CNTN4: variants seen among roughly 807,000 people sequenced by gnomAD.
CNTN4 encodes contactin-4.
A neutral mutation model predicts 122.5 loss-of-function variants in CNTN4; 77 were observed. That is an observed-to-expected ratio of 0.63 (90% CI 0.52 to 0.76). The LOEUF is 0.76. Ranked by LOEUF, CNTN4 falls within the 30% of genes least tolerant of loss-of-function variation. The pLI, the probability that CNTN4 is intolerant of heterozygous loss-of-function variation, is 0.00. For missense variants in CNTN4, 1,256 were observed against 1,259.1 expected, an observed-to-expected ratio of 1.00 and a Z score of 0.04; for synonymous variants, 512 against 447.0, an observed-to-expected ratio of 1.15 and a Z score of -1.83.
chr3:2,236,098 G>A (rs554734196), intron 2 of CNTN4, among the ~76,000 whole-genome samples: 1 of 152,252 alleles, frequency 6.6e-6, no homozygotes, highest in African/African-American at 2.4e-5. Context: ...GGTACTATAA[G>A]TTGTACACAT....
In CNTN4 at chr3:2,745,589, T is replaced by G; in HGVS notation, c.250T>G (p.Leu84Val). 6.2e-7 allele frequency: 1 copy of G among 1,614,162 alleles called. No individual in the cohort carries two copies. Among genetic ancestry groups the G allele is most frequent in the Non-Finnish European group, 8.5e-7 (1 of 1,179,986 alleles). ...DFRYSVVEGSLLINNPNKTQD... is the reference protein window; with the variant it reads ...DFRYSVVEGSVLINNPNKTQD... ...CCGCTACAGTGTTGTTGAAGGGAGC[T>G]TGTTGATCAATAACCCCAATAAAAC... Residue 84 changes from leucine to valine, a missense_variant, in exon 6 of 25, where the codon TTG (leucine) becomes GTG (valine). Coordinates refer to ENST00000418658, the MANE Select transcript of CNTN4 (RefSeq NM_175607.3).
intron 4 of CNTN4, among the ~76,000 whole-genome samples, chr3:2,674,656 G>C (rs1044783268): frequency 6.6e-6 from 1 of 152,148 alleles, no homozygotes; most frequent in Non-Finnish European, 1.5e-5. Flanking sequence ...TACTGGGGAG[G>C]TGGAGGCAGG....
chr3:2,630,689 G>A (rs1176394538), intron 4 of CNTN4, among the ~76,000 whole-genome samples: 1 of 144,182 alleles, frequency 6.9e-6, no homozygotes, highest in African/African-American at 2.7e-5. Context: ...ATCCCTATCT[G>A]TTTATTAAGG....
intron 2 of CNTN4, among the ~76,000 whole-genome samples, chr3:2,178,364 G>A (rs1025680171): frequency 3.9e-5 from 6 of 151,924 alleles, no homozygotes; most frequent in Non-Finnish European, 8.8e-5. Context: ...TATGGAATAG[G>A]AAGAGTGTTT....
At chr3:2,883,317 G>T in intron 9 of CNTN4, 70 bp downstream of exon 9, 1 of 1,108,012 alleles carries the variant, frequency 9.0e-7, no homozygotes, top group African/African-American at 1.5e-5. Context: ...TTCTTGCACT[G>T]TTCACAGCGA....
At chr3:2,181,690 A>G (rs1359084921) in intron 2 of CNTN4, among the ~76,000 whole-genome samples, 2 of 152,102 alleles carry the variant, frequency 1.3e-5, no homozygotes, top group Non-Finnish European at 2.9e-5. Context: ...TCACTGATGG[A>G]TTAGTACCTT....
At position 2,116,253 on chromosome 3, in the gene CNTN4, C is replaced by A. The variant is rs200779895; in HGVS notation, c.-145+15614C>A. Among the ~76,000 whole-genome samples, 15 of 152,220 alleles carry A rather than the reference C, an allele frequency of 9.9e-5. No homozygotes were observed. In the East Asian group the frequency reaches 2.7e-3, roughly 28 times the overall value. ...AACGTGAGGCATAACAGAAAATAAT[C>A]ATAGACCAGGCATACATCTCAAAGC... On this transcript the variant is annotated intron_variant, in intron 2 of 24. Coordinates refer to ENST00000418658, the MANE Select transcript of CNTN4 (RefSeq NM_175607.3).
At chr3:3,042,900 C>T (rs1574911813) in intron 21 of CNTN4, 77 bp from the exon 22 acceptor site, 29 of 1,164,942 alleles carry the variant, frequency 2.5e-5, no homozygotes, top group South Asian at 1.0e-4. Flanking sequence ...TAAGAATCTG[C>T]GTACAAAATT....
intron 4 of CNTN4, among the ~76,000 whole-genome samples, chr3:2,589,862 T>A (rs1002360837): frequency 2.0e-5 from 3 of 152,198 alleles, no homozygotes; most frequent in African/African-American, 7.2e-5. Flanking sequence ...GCCTGTGGCT[T>A]CCCTCAGCAG....
chr3:3,044,533 G>A (rs1700446806), intron 23 of CNTN4, among the ~76,000 whole-genome samples: 1 of 152,298 alleles, frequency 6.6e-6, no homozygotes, highest in African/African-American at 2.4e-5. Flanking sequence ...ACAGTATGGT[G>A]ACCTCAGAGT....
chr3:2,685,471 C>G (rs1002722911), intron 4 of CNTN4, among the ~76,000 whole-genome samples: 1 of 152,084 alleles, frequency 6.6e-6, no homozygotes, highest in Non-Finnish European at 1.5e-5. Context: ...AGCACTGTCC[C>G]ATACAATACA....
At chr3:2,217,481 TAAAACAAAACCAAACA>T (rs1210031976) in intron 2 of CNTN4, among the ~76,000 whole-genome samples, 5 of 152,202 alleles carry the variant, frequency 3.3e-5, no homozygotes, top group Admixed American at 6.5e-5. Flanking sequence ...TGTTGTCAAT[TAAAACAAAACCAAACA>T]AAACTGTTTC....
At chr3:2,445,544 T>C (rs111825050) in intron 3 of CNTN4, among the ~76,000 whole-genome samples, 4 of 152,312 alleles carry the variant, frequency 2.6e-5, no homozygotes, top group African/African-American at 9.6e-5. Flanking sequence ...GTAGGAACTG[T>C]CTTCTTAATT....
rs945145462 is a variant in CNTN4 at position 2,599,040 on chromosome 3, T to C, written c.55+27482T>C. On this transcript the variant is annotated intron_variant, in intron 4 of 24. Transcript: ENST00000418658. Reference sequence around the variant, plus strand: ...TAACTGACATATGTTGAGTATTGTGTGCTCAACATATATAGCTTGGTGTAT... The same window carrying C: ...TAACTGACATATGTTGAGTATTGTGCGCTCAACATATATAGCTTGGTGTAT... Among the ~76,000 whole-genome samples the C allele has an allele frequency of 7.2e-5, 11 of 152,330 alleles. No homozygotes were observed. In the East Asian group the frequency reaches 1.9e-3, roughly 27 times the overall value.
intron 2 of CNTN4, among the ~76,000 whole-genome samples, chr3:2,302,759 C>T (rs140390830): frequency 6.6e-6 from 1 of 152,244 alleles, no homozygotes; most frequent in East Asian, 1.9e-4. Context: ...CACTTTGTCC[C>T]ATGTGGAAGA....
intron 16 of CNTN4, among the ~76,000 whole-genome samples, chr3:3,032,569 G>T (rs911346325): frequency 3.3e-5 from 5 of 152,142 alleles, no homozygotes; most frequent in African/African-American, 1.2e-4. Flanking sequence ...TTACAGAGGG[G>T]GAGGCAGGAA....
intron 2 of CNTN4, among the ~76,000 whole-genome samples, chr3:2,208,060 C>A (rs376271926): frequency 6.6e-6 from 1 of 152,084 alleles, no homozygotes; most frequent in Non-Finnish European, 1.5e-5. Context: ...TTCTGCAGTT[C>A]ATTGATCAAG....
rs1246507527 is a variant in CNTN4, at chr3:2,591,610, C to T, written c.55+20052C>T. Among the ~76,000 whole-genome samples, 19 of 51,602 alleles carry T rather than the reference C, an allele frequency of 3.7e-4. 3 individuals are homozygous for T. Among genetic ancestry groups the T allele is most frequent in the Non-Finnish European group, 6.4e-4 (13 of 20,292 alleles). The allele number at this position is 51,602 out of a possible 152,430, so 33.9% of individuals were successfully genotyped here. A position where few individuals can be genotyped will look rare whatever the true frequency, so the allele number is the denominator to read the frequency against. On this transcript the variant is annotated intron_variant, in intron 4 of 24. Coordinates refer to ENST00000418658, the MANE Select transcript of CNTN4 (RefSeq NM_175607.3). Reference sequence around the variant, plus strand: ...CGATCTCCTGACCTCGTGATCCGCCCGCCTCGGCCTCCCAAAGTGCTGGGA... The same window carrying T: ...CGATCTCCTGACCTCGTGATCCGCCTGCCTCGGCCTCCCAAAGTGCTGGGA...
rs553099158 is a variant in CNTN4 at position 2,777,599 on chromosome 3, C to A, written c.358+31902C>A. ...ATAAACTGAGTCACCTTAAAAGTAG[C>A]CAGGAGAGTAGGCTTTGCTGTTCTG... is the stretch of plus-strand genomic sequence containing the variant. On this transcript the variant is annotated intron_variant, in intron 6 of 24. Coordinates refer to ENST00000418658, the MANE Select transcript of CNTN4 (RefSeq NM_175607.3). Among the ~76,000 whole-genome samples the A allele has an allele frequency of 8.0e-4, 122 of 152,242 alleles. 1 individual carries two copies. Among genetic ancestry groups the A allele is most frequent in the Non-Finnish European group, 1.5e-3 (101 of 68,032 alleles).
Sources: allele counts gnomAD v4.1 joint callset (sites outside exome capture counted in the v4.1 genomes callset), GRCh38; gene constraint gnomAD v4.1.1; transcripts MANE v1.5; gene names NCBI Gene and HGNC (gene_info 2026-07-23, HGNC 2026-07-21).